Variants in PTCHD4 observed in about 807,000 individuals in gnomAD.
The protein encoded by PTCHD4 is patched domain-containing protein 4.
Under a neutral mutation model 58.1 loss-of-function variants are expected in PTCHD4, and 33 were observed. The ratio of observed to expected loss-of-function variants is 0.57; its 90% CI spans 0.43 to 0.76. The LOEUF (loss-of-function observed/expected upper bound fraction) is 0.76, where lower values mean the gene tolerates loss of function less well. PTCHD4 is among the 30% of genes least tolerant of loss of function. The pLI, the probability that PTCHD4 is intolerant of heterozygous loss-of-function variation, is 0.00. For synonymous variants in PTCHD4, 478 were observed against 409.6 expected (o/e 1.17, Z -2.02); for missense variants, 1,058 against 1,027.1 (o/e 1.03, Z -0.41).
chr6:47,953,617 G>T (rs935107798), intron 4 of PTCHD4, among the ~76,000 whole-genome samples: 6 of 152,110 alleles, frequency 3.9e-5, no homozygotes, highest in Non-Finnish European at 5.9e-5. Flanking sequence ...CACATAAAAT[G>T]CATTAATAGA....
At chr6:47,953,580 A>C (rs1179392441) in intron 4 of PTCHD4, among the ~76,000 whole-genome samples, 1 of 152,188 alleles carries the variant, frequency 6.6e-6, no homozygotes, top group Admixed American at 6.5e-5. Flanking sequence ...TCACTGAAAA[A>C]TTAGAATCAG....
At chr6:48,106,632 C>T (rs144438410) in intron 1 of PTCHD4, among the ~76,000 whole-genome samples, 2,362 of 152,126 alleles carry the variant, frequency 0.016, 57 homozygotes, top group African/African-American at 0.053. Flanking sequence ...AAATAAAGGG[C>T]ATTCAATTAG....
At chr6:47,922,466 G>A (rs1206183549) in intron 4 of PTCHD4, among the ~76,000 whole-genome samples, 1 of 152,096 alleles carries the variant, frequency 6.6e-6, no homozygotes, top group South Asian at 2.1e-4. Context: ...GCTCCTTCGT[G>A]GGAATTAGAA....
In PTCHD4 at chr6:47,870,314, TA is replaced by T. The variant is rs546786573; in HGVS notation, c.*7988del. 3.8e-4 allele frequency among the ~76,000 whole-genome samples: 57 copies of T among 151,776 alleles called. No individual in the cohort carries two copies. Among genetic ancestry groups the T allele is most frequent in the South Asian group, 2.1e-3 (10 of 4,828 alleles). On this transcript the variant is annotated 3_prime_UTR_variant, in exon 5 of 5. Coordinates refer to ENST00000339488, the MANE Select transcript of PTCHD4 (RefSeq NM_001384253.1). ...GCAGATAAATTATGAGCAATTTAAC[TA>T]AAATTATTGTATTTCAGTGTGTCCA... is the stretch of plus-strand genomic sequence containing the variant.
rs376190049 is a variant in PTCHD4, at chr6:48,106,247, T to A, written c.-970+4802A>T. The stretch of plus-strand genomic sequence containing the variant: ...ATCCAGCAACACATCAAAAAGCTTA[T>A]CCACCATGATCAAGTGGGCTTCATC... On this transcript the variant is annotated intron_variant, in intron 1 of 4. Coordinates refer to ENST00000339488, the MANE Select transcript of PTCHD4 (RefSeq NM_001384253.1). 3.9e-4 allele frequency among the ~76,000 whole-genome samples: 60 copies of A among 152,190 alleles called. 2 individuals carry two copies. The East Asian group carries it at 0.011, about 28-fold the overall frequency.
At chr6:47,931,739 C>A (rs1305063411) in intron 4 of PTCHD4, among the ~76,000 whole-genome samples, 1 of 151,002 alleles carries the variant, frequency 6.6e-6, no homozygotes. Flanking sequence ...CGGCCTGAAG[C>A]TGACAAGTGT....
chr6:48,001,368 G>T (rs1234162023), intron 4 of PTCHD4, among the ~76,000 whole-genome samples: 2 of 152,220 alleles, frequency 1.3e-5, no homozygotes, highest in East Asian at 3.9e-4. Context: ...ATACTACAAG[G>T]CTACAGTAAC....
intron 4 of PTCHD4, among the ~76,000 whole-genome samples, chr6:47,995,174 T>G (rs112945743): frequency 6.8e-4 from 104 of 152,260 alleles, no homozygotes; most frequent in African/African-American, 2.3e-3. Flanking sequence ...ACTATTTACT[T>G]AGTTCATTTA....
chr6:47,899,516 G>A lies in PTCHD4; in HGVS notation c.899-19580C>T, dbSNP rs562428223. ...TTATTAGGGACAGAAAATGAGTCTA[G>A]TGAGCAAGTATTTGCTGAAATAACT... On this transcript the variant is annotated intron_variant, in intron 4 of 4. Coordinates refer to ENST00000339488, the MANE Select transcript of PTCHD4 (RefSeq NM_001384253.1). 66 of 893,064 alleles carry A rather than the reference G, an allele frequency of 7.4e-5. No homozygotes were observed. The African/African-American group carries it at 1.2e-3, about 16-fold the overall frequency. 55.3% of individuals were successfully genotyped at this position (893,064 alleles called of 1,614,324 possible).
At chr6:48,009,783 T>G (rs2114086218) in intron 3 of PTCHD4, among the ~76,000 whole-genome samples, 1 of 152,342 alleles carries the variant, frequency 6.6e-6, no homozygotes, top group Non-Finnish European at 1.5e-5. Context: ...GCCTCAGACA[T>G]AGGTTGACCT....
At position 47,866,890 on chromosome 6, in the gene PTCHD4, C is replaced by A. The variant is rs1189534759; in HGVS notation, c.*11413G>T. ...TTAAGCATTTTAACAAACTCATTGT[C>A]TTAAAATTTACATTTAGAAAAGGAT... On this transcript the variant is annotated 3_prime_UTR_variant, in exon 5 of 5. Transcript: ENST00000339488. Among the ~76,000 whole-genome samples, 1 of 151,768 alleles carries A rather than the reference C, an allele frequency of 6.6e-6. No homozygotes were observed. Among genetic ancestry groups the A allele is most frequent in the African/African-American group, 2.4e-5 (1 of 41,372 alleles).
Position 47,878,114 on chromosome 6 carries a change from C to A in PTCHD4, c.*189G>T. On this transcript the variant is annotated 3_prime_UTR_variant, in exon 5 of 5. Coordinates refer to ENST00000339488, the MANE Select transcript of PTCHD4 (RefSeq NM_001384253.1). ...TAGAGGAGAACAAGGTTGCAAATAACTTTTTCCTCTTTTTTTATTCCCTCT... is the reference window on the plus strand; with the variant it reads ...TAGAGGAGAACAAGGTTGCAAATAAATTTTTCCTCTTTTTTTATTCCCTCT... 2.0e-6 allele frequency: 1 copy of A among 502,458 alleles called. No homozygotes were observed. Among genetic ancestry groups the A allele is most frequent in the Non-Finnish European group, 3.4e-6 (1 of 290,220 alleles). The allele number at this position is 502,458 out of a possible 1,614,324, so 31.1% of individuals were successfully genotyped here. A position where few individuals can be genotyped will look rare whatever the true frequency, so the allele number is the denominator to read the frequency against.
intron 3 of PTCHD4, among the ~76,000 whole-genome samples, chr6:48,019,963 A>C (rs1763007939): frequency 4.0e-5 from 6 of 151,118 alleles, no homozygotes; most frequent in Admixed American, 3.9e-4. Flanking sequence ...GAAACAGCAT[A>C]CACAAAGGTG....
At chr6:47,897,223 T>C (rs938996522) in intron 4 of PTCHD4, among the ~76,000 whole-genome samples, 1 of 152,208 alleles carries the variant, frequency 6.6e-6, no homozygotes, top group African/African-American at 2.4e-5. Context: ...CTCCAAGCAC[T>C]GGGAACTGCT....
In PTCHD4 at chr6:48,008,908, T is replaced by C. The variant is rs575652388; in HGVS notation, c.624A>G (p.Glu208=). 2.5e-6 allele frequency: 4 copies of C among 1,613,856 alleles called. 1 individual carries two copies. The South Asian group carries it at 4.4e-5, about 18-fold the overall frequency. The change falls in exon 4 of 5, where the codon GAA becomes GAG. Residue 208 remains glutamate (E), a synonymous_variant. Coordinates refer to ENST00000339488, the MANE Select transcript of PTCHD4 (RefSeq NM_001384253.1). ...AGGATGCTAAAGAGTAGAGCTGGAG[T>C]TCTTGATGCTCCTCCTGGAGCTTCC... ...LIRKLQEEHQ[E]LQLYSLASFS...
chr6:48,088,917 C>T (rs1035346813), intron 1 of PTCHD4, among the ~76,000 whole-genome samples: 1 of 151,994 alleles, frequency 6.6e-6, no homozygotes. Context: ...TGGTGGCGGG[C>T]GCCTGTAATG....
intron 4 of PTCHD4, among the ~76,000 whole-genome samples, chr6:47,904,088 AG>A (rs1339158497): frequency 6.6e-6 from 1 of 152,210 alleles, no homozygotes; most frequent in African/African-American, 2.4e-5. Context: ...GAGGATTGAT[AG>A]GAGATGAGCT....
At chr6:48,025,754 T>C (rs1445564639) in intron 3 of PTCHD4, among the ~76,000 whole-genome samples, 2 of 152,108 alleles carry the variant, frequency 1.3e-5, no homozygotes, top group African/African-American at 4.8e-5. Flanking sequence ...CAATGCATTG[T>C]TAAAAATACC....
At chr6:47,891,076 A>T (rs1023714303) in intron 4 of PTCHD4, among the ~76,000 whole-genome samples, 1 of 151,016 alleles carries the variant, frequency 6.6e-6, no homozygotes, top group Non-Finnish European at 1.5e-5. Context: ...CAAAAAATTA[A>T]CTGAGTGTGG....
Sources: allele counts gnomAD v4.1 joint callset (sites outside exome capture counted in the v4.1 genomes callset), GRCh38; gene constraint gnomAD v4.1.1; transcripts MANE v1.5; gene names NCBI Gene and HGNC (gene_info 2026-07-23, HGNC 2026-07-21).